ACVR1: variants seen among roughly 807,000 people sequenced by gnomAD.
The protein encoded by ACVR1 is activin A receptor type 1.
A neutral mutation model predicts 57.1 loss-of-function variants in ACVR1; 38 were observed. The ratio of observed to expected loss-of-function variants is 0.67; its 90% CI spans 0.51 to 0.87. The LOEUF is 0.87. Among genes scored for constraint, ACVR1 ranks in the 40% least tolerant of loss-of-function variants. The pLI is 0.00. For synonymous variants in ACVR1, 212 were observed against 228.1 expected (o/e 0.93, Z 0.63); for missense variants, 463 against 638.2 (o/e 0.73, Z 2.96).
At chr2:157,816,227 G>T (rs1687928121) in intron 2 of ACVR1, among the ~76,000 whole-genome samples, 1 of 152,098 alleles carries the variant, frequency 6.6e-6, no homozygotes, top group Non-Finnish European at 1.5e-5. Flanking sequence ...TTTAGCCAAA[G>T]GTGAAAGAGA....
At chr2:157,788,832 C>A (rs1345803108) in intron 3 of ACVR1, among the ~76,000 whole-genome samples, 1 of 151,962 alleles carries the variant, frequency 6.6e-6, no homozygotes, top group Non-Finnish European at 1.5e-5. Context: ...GGGGCAGAGT[C>A]CAAGCCTCTG....
At chr2:157,746,072 C>T (rs1185303686) in intron 9 of ACVR1, among the ~76,000 whole-genome samples, 1 of 152,140 alleles carries the variant, frequency 6.6e-6, no homozygotes, top group Non-Finnish European at 1.5e-5. Context: ...AAGCCAGTAA[C>T]AGTGAAACAA....
chr2:157,819,077 CAAAAAA>C (rs386391595), intron 1 of ACVR1, among the ~76,000 whole-genome samples: 1 of 59,178 alleles, frequency 1.7e-5, no homozygotes, highest in African/African-American at 7.9e-5. Flanking sequence ...GACTCCGTCT[CAAAAAA>C]AAAAAAAAAA....
chr2:157,834,161 G>A (rs1398931624), intron 1 of ACVR1, among the ~76,000 whole-genome samples: 2 of 152,040 alleles, frequency 1.3e-5, no homozygotes, highest in Non-Finnish European at 2.9e-5. Context: ...GCGTGACCTC[G>A]GCTCACTGCA....
At chr2:157,831,506 C>CA (rs1437102048) in intron 1 of ACVR1, among the ~76,000 whole-genome samples, 1 of 151,980 alleles carries the variant, frequency 6.6e-6, no homozygotes, top group East Asian at 1.9e-4. Flanking sequence ...CGAGAAAAAT[C>CA]AAAAAACAAA....
intron 5 of ACVR1, 124 bp from the exon 6 acceptor site, chr2:157,774,311 T>C (rs930620620): frequency 1.3e-6 from 1 of 759,592 alleles, no homozygotes; most frequent in African/African-American, 1.7e-5. Flanking sequence ...GGCCTGTTAG[T>C]GTACATGTAA....
chr2:157,779,771 G>A (rs1015731324), intron 4 of ACVR1, among the ~76,000 whole-genome samples: 4 of 152,140 alleles, frequency 2.6e-5, no homozygotes, highest in African/African-American at 9.7e-5. Context: ...TGTACTGATG[G>A]TAGAGAGAAG....
chr2:157,780,271 C>T (rs1222575960), intron 4 of ACVR1, 66 bp downstream of exon 4: 31 of 1,608,758 alleles, frequency 1.9e-5, no homozygotes, highest in Non-Finnish European at 2.6e-5. Flanking sequence ...AGATCTTTAA[C>T]CCACACGGAC....
At chr2:157,775,027 T>C (rs1167325226) in intron 5 of ACVR1, among the ~76,000 whole-genome samples, 2 of 152,114 alleles carry the variant, frequency 1.3e-5, no homozygotes, top group African/African-American at 4.8e-5. Context: ...AAACTAGGAA[T>C]AAGGAACAAA....
chr2:157,802,387 G>A (rs1420571584), intron 2 of ACVR1, among the ~76,000 whole-genome samples: 1 of 152,202 alleles, frequency 6.6e-6, no homozygotes, highest in South Asian at 2.1e-4. Flanking sequence ...ACAAAGAGTC[G>A]GCGAATACCC....
At chr2:157,754,872 C>T (rs1236382965) in intron 9 of ACVR1, among the ~76,000 whole-genome samples, 1 of 152,124 alleles carries the variant, frequency 6.6e-6, no homozygotes, top group Non-Finnish European at 1.5e-5. Context: ...AAAACACTAG[C>T]TAACCAAGTC....
intron 1 of ACVR1, among the ~76,000 whole-genome samples, chr2:157,868,015 A>G (rs1689997380): frequency 6.6e-6 from 1 of 151,950 alleles, no homozygotes; most frequent in Non-Finnish European, 1.5e-5. Context: ...GTGCCTCTAA[A>G]TCTCCCTTTC....
chr2:157,764,882 A>G (rs1685804855), intron 8 of ACVR1, among the ~76,000 whole-genome samples: 1 of 152,150 alleles, frequency 6.6e-6, no homozygotes, highest in Non-Finnish European at 1.5e-5. Context: ...CTCAATGTAA[A>G]AGCAAAGACT....
chr2:157,814,056 A>G (rs112782443), intron 2 of ACVR1, among the ~76,000 whole-genome samples: 1,872 of 152,354 alleles, frequency 0.012, 37 homozygotes, highest in African/African-American at 0.042. Context: ...TGTTTTTTAC[A>G]TTACTGTATA....
At chr2:157,742,613 C>T (rs1249942289) in intron 9 of ACVR1, among the ~76,000 whole-genome samples, 1 of 152,128 alleles carries the variant, frequency 6.6e-6, no homozygotes, top group East Asian at 1.9e-4. Context: ...ATATCCCTCC[C>T]ATTAGTTTGC....
intron 9 of ACVR1, among the ~76,000 whole-genome samples, chr2:157,745,697 AC>A (rs754664600): frequency 2.3e-4 from 35 of 152,326 alleles, no homozygotes; most frequent in Non-Finnish European, 4.4e-4. Flanking sequence ...ATTAATGAAT[AC>A]AAAAAATTGG....
chr2:157,854,630 G>A (rs993260272), intron 1 of ACVR1, among the ~76,000 whole-genome samples: 5 of 151,946 alleles, frequency 3.3e-5, no homozygotes, highest in African/African-American at 1.2e-4. Flanking sequence ...GGCTGAGGCA[G>A]GAGAATGGCA....
At chr2:157,845,000 T>C (rs1689087287) in intron 1 of ACVR1, among the ~76,000 whole-genome samples, 1 of 152,220 alleles carries the variant, frequency 6.6e-6, no homozygotes, top group African/African-American at 2.4e-5. Context: ...GTCTATTGTT[T>C]ATAAATTACC....
chr2:157,803,253 C>T (rs1687392529), intron 2 of ACVR1, among the ~76,000 whole-genome samples: 2 of 152,074 alleles, frequency 1.3e-5, no homozygotes, highest in African/African-American at 4.8e-5. Context: ...AATTTAGGCT[C>T]ATAAATAGAA....
Sources: gnomAD v4.1 joint callset for allele counts (sites outside exome capture counted in the v4.1 genomes callset) on GRCh38, gnomAD v4.1.1 for gene constraint, MANE v1.5 for transcripts, NCBI Gene and HGNC (gene_info 2026-07-23, HGNC 2026-07-21) for gene names.